Variants in ANKRD44 observed in about 807,000 individuals in gnomAD.
ANKRD44 encodes the protein ankyrin repeat domain 44.
In ANKRD44, 35 loss-of-function variants were observed where a neutral mutation model predicts 116.0. The ratio of observed to expected loss-of-function variants is 0.30; its 90% CI spans 0.23 to 0.40. The LOEUF (loss-of-function observed/expected upper bound fraction) is 0.40, where lower values mean the gene tolerates loss of function less well. ANKRD44 is among the 10% of genes least tolerant of loss of function. The probability of loss-of-function intolerance (pLI) is 1.00; values close to 1 mark genes in which losing one functional copy is unlikely to be tolerated. For synonymous variants in ANKRD44, 435 were observed against 461.8 expected (o/e 0.94, Z 0.74); for missense variants, 1,014 against 1,242.6 (o/e 0.82, Z 2.77).
In ANKRD44 at chr2:197,026,050, A is replaced by AC. The variant is rs1052111242; in HGVS notation, c.1651-784_1651-783insG. Among the ~76,000 whole-genome samples the AC allele has an allele frequency of 1.7e-3, 256 of 149,274 alleles. 1 individual carries two copies. The highest frequency in any genetic ancestry group is 5.8e-3 in the African/African-American group (236 of 40,854). ...AGAAGGGGGAGATAAAAAGAAACAA[A>AC]AAAAAAAAAAACACCTTTCTGGGCA... On this transcript the variant is annotated intron_variant, in intron 16 of 27. Coordinates refer to ENST00000282272, the MANE Select transcript of ANKRD44 (RefSeq NM_001195144.2).
rs111579336 is a variant in ANKRD44 at position 197,291,001 on chromosome 2, G to A, written c.27+19577C>T. On this transcript the variant is annotated intron_variant, in intron 1 of 27. Transcript: ENST00000282272. The stretch of plus-strand genomic sequence containing the variant: ...AGGAGGGAGGATCCCTTGAGGCCAG[G>A]AGTTTCAGACTAGCGTGGGCAACAT... Among the ~76,000 whole-genome samples, 179 of 151,658 alleles carry A rather than the reference G, an allele frequency of 1.2e-3. 3 individuals carry two copies. Among genetic ancestry groups the A allele is most frequent in the African/African-American group, 3.9e-3 (160 of 41,330 alleles).
At chr2:197,191,434 C>G (rs1278935404) in intron 1 of ANKRD44, among the ~76,000 whole-genome samples, 1 of 152,154 alleles carries the variant, frequency 6.6e-6, no homozygotes, top group African/African-American at 2.4e-5. Flanking sequence ...CTTGCTAACC[C>G]TTGGAACTGA....
At chr2:197,004,454 T>C (rs1031975795) in intron 21 of ANKRD44, among the ~76,000 whole-genome samples, 4 of 152,016 alleles carry the variant, frequency 2.6e-5, no homozygotes, top group Admixed American at 6.6e-5. Flanking sequence ...CGAGAAAAGA[T>C]AAATAGCTCA....
intron 1 of ANKRD44, among the ~76,000 whole-genome samples, chr2:197,190,269 A>T (rs574406304): frequency 2.0e-5 from 3 of 152,316 alleles, no homozygotes; most frequent in Admixed American, 2.0e-4. Context: ...CCCGTGGAAT[A>T]AAAAAGCAGC....
intron 1 of ANKRD44, among the ~76,000 whole-genome samples, chr2:197,235,163 G>C (rs1372356057): frequency 6.6e-6 from 1 of 151,884 alleles, no homozygotes; most frequent in Non-Finnish European, 1.5e-5. Flanking sequence ...GTGCCATAAG[G>C]AATCATCTAC....
chr2:197,310,422 G>A (rs1450689012), intron 1 of ANKRD44, among the ~76,000 whole-genome samples, 156 bp downstream of exon 1: 1 of 147,286 alleles, frequency 6.8e-6, no homozygotes. Flanking sequence ...AGCTGCCGCC[G>A]CGGGCTCTCG....
chr2:197,067,268 T>C (rs1257517689), intron 16 of ANKRD44, among the ~76,000 whole-genome samples: 1 of 151,988 alleles, frequency 6.6e-6, no homozygotes, highest in East Asian at 1.9e-4. Context: ...CCTTACATCT[T>C]ATACAAAAAT....
At chr2:196,979,328 A>G (rs970713479) in intron 21 of ANKRD44, among the ~76,000 whole-genome samples, 2 of 142,558 alleles carry the variant, frequency 1.4e-5, no homozygotes, top group African/African-American at 2.6e-5. Context: ...GCTTGCAGTG[A>G]GCCAAGATCG....
At chr2:197,288,526 G>C (rs1317263815) in intron 1 of ANKRD44, among the ~76,000 whole-genome samples, 1 of 152,194 alleles carries the variant, frequency 6.6e-6, no homozygotes, top group Non-Finnish European at 1.5e-5. Context: ...AAAAGGGATA[G>C]CTGCACATGC....
At chr2:197,219,176 T>G (rs2081526699) in intron 1 of ANKRD44, among the ~76,000 whole-genome samples, 1 of 151,750 alleles carries the variant, frequency 6.6e-6, no homozygotes, top group Non-Finnish European at 1.5e-5. Flanking sequence ...TTCAAGCGAT[T>G]CTTCTGCCTC....
chr2:197,218,374 C>G (rs1271391446), intron 1 of ANKRD44, among the ~76,000 whole-genome samples: 5 of 152,162 alleles, frequency 3.3e-5, no homozygotes, highest in Admixed American at 2.6e-4. Flanking sequence ...GTGGGACTTC[C>G]TGCTATTCCC....
intron 8 of ANKRD44, among the ~76,000 whole-genome samples, chr2:197,118,671 G>GAAAGAAAGAAAT: frequency 8.8e-6 from 1 of 113,360 alleles, no homozygotes; most frequent in Non-Finnish European, 2.3e-5. Flanking sequence ...AAGAAAGAAA[G>GAAAGAAAGAAAT]AAAGAAAAAC....
intron 17 of ANKRD44, among the ~76,000 whole-genome samples, chr2:197,021,377 G>C (rs1299336140): frequency 2.0e-5 from 3 of 152,202 alleles, no homozygotes; most frequent in Admixed American, 6.5e-5. Flanking sequence ...AATTGCCACA[G>C]TGCCTTCCAC....
chr2:197,155,653 T>A (rs899585747), intron 2 of ANKRD44, among the ~76,000 whole-genome samples: 8 of 152,128 alleles, frequency 5.3e-5, no homozygotes, highest in Non-Finnish European at 1.2e-4. Flanking sequence ...CCTTGAACCC[T>A]AAACAAAAAT....
chr2:197,114,093 T>C (rs1043939323), intron 8 of ANKRD44, among the ~76,000 whole-genome samples: 2 of 152,190 alleles, frequency 1.3e-5, no homozygotes, highest in Non-Finnish European at 2.9e-5. Flanking sequence ...ACATTAAAGT[T>C]GAGACTAGGG....
intron 17 of ANKRD44, among the ~76,000 whole-genome samples, chr2:197,014,377 C>T (rs1037218600): frequency 6.6e-6 from 1 of 152,144 alleles, no homozygotes; most frequent in Non-Finnish European, 1.5e-5. Context: ...CTCTTTTCTC[C>T]TTTATTTCTT....
intron 3 of ANKRD44, among the ~76,000 whole-genome samples, chr2:197,136,868 G>A: frequency 6.6e-6 from 1 of 152,232 alleles, no homozygotes. Flanking sequence ...GGACTAGCCA[G>A]ATATTTTGGT....
chr2:197,133,723 T>C (rs1228076783), intron 4 of ANKRD44, among the ~76,000 whole-genome samples: 1 of 152,174 alleles, frequency 6.6e-6, no homozygotes, highest in Non-Finnish European at 1.5e-5. Flanking sequence ...CCAAACCTTC[T>C]CTTTTCTTCC....
chr2:197,028,852 T>C (rs554624182), intron 16 of ANKRD44: 2 of 194,674 alleles, frequency 1.0e-5, no homozygotes, highest in Non-Finnish European at 2.0e-5. Context: ...TTTTTTCCTC[T>C]CTTTCCTACC....
Sources: allele counts gnomAD v4.1 joint callset (sites outside exome capture counted in the v4.1 genomes callset), GRCh38; gene constraint gnomAD v4.1.1; transcripts MANE v1.5; gene names NCBI Gene and HGNC (gene_info 2026-07-23, HGNC 2026-07-21).